Variants in DCBLD2 observed in about 807,000 individuals in gnomAD.
DCBLD2 encodes the protein discoidin, CUB and LCCL domain-containing protein 2.
In DCBLD2, 54 loss-of-function variants were observed where a neutral mutation model predicts 86.8. The ratio of observed to expected loss-of-function variants is 0.62; its 90% CI spans 0.50 to 0.78. DCBLD2 has a LOEUF of 0.78. Among genes scored for constraint, DCBLD2 ranks in the 30% least tolerant of loss-of-function variants. The probability of loss-of-function intolerance (pLI) is 0.00; values close to 1 mark genes in which losing one functional copy is unlikely to be tolerated. For synonymous variants in DCBLD2, 354 were observed against 341.3 expected (o/e 1.04, Z -0.41); for missense variants, 908 against 954.2 (o/e 0.95, Z 0.64).
intron 2 of DCBLD2, among the ~76,000 whole-genome samples, chr3:98,870,741 GAAAGAAAGAA>G (rs1313363499): frequency 2.1e-5 from 1 of 47,400 alleles, no homozygotes. Flanking sequence ...GAAAGAAAAA[GAAAGAAAGAA>G]AGAAAGAAAG....
chr3:98,863,871 C>G (rs1292161245), intron 2 of DCBLD2, among the ~76,000 whole-genome samples: 2 of 152,132 alleles, frequency 1.3e-5, no homozygotes, highest in Non-Finnish European at 2.9e-5. Flanking sequence ...TCTAATTAAA[C>G]TAAAGAGCTT....
At chr3:98,809,890 G>A (rs2107432919) in intron 12 of DCBLD2, among the ~76,000 whole-genome samples, 1 of 152,314 alleles carries the variant, frequency 6.6e-6, no homozygotes, top group South Asian at 2.1e-4. Context: ...AACGGTAAAT[G>A]TGCTTTTTCC....
At chr3:98,880,888 G>C (rs1943456761) in intron 2 of DCBLD2, among the ~76,000 whole-genome samples, 1 of 152,076 alleles carries the variant, frequency 6.6e-6, no homozygotes, top group Admixed American at 6.5e-5. Context: ...TGTCTCCTAA[G>C]CATTAATTAT....
chr3:98,857,512 C>T (rs1157493213), intron 2 of DCBLD2, among the ~76,000 whole-genome samples: 1 of 152,154 alleles, frequency 6.6e-6, no homozygotes, highest in African/African-American at 2.4e-5. Context: ...TGACAGGGTG[C>T]TGATTGGTGC....
intron 1 of DCBLD2, among the ~76,000 whole-genome samples, chr3:98,889,763 T>C (rs1286716113): frequency 6.6e-6 from 1 of 152,036 alleles, no homozygotes; most frequent in Non-Finnish European, 1.5e-5. Context: ...GATTCCCTCA[T>C]TAATGAATGA....
chr3:98,803,864 T>A (rs1397197860), intron 13 of DCBLD2, among the ~76,000 whole-genome samples: 1 of 152,248 alleles, frequency 6.6e-6, no homozygotes, highest in African/African-American at 2.4e-5. Flanking sequence ...TTTGCATATG[T>A]TGAACCAGCC....
rs1054869047 is a variant in DCBLD2 at position 98,901,387 on chromosome 3, G to C, written c.-61C>G. The C allele has an allele frequency of 7.2e-5, 91 of 1,261,648 alleles. No individual in the cohort carries two copies. Among genetic ancestry groups the C allele is most frequent in the Non-Finnish European group, 8.2e-5 (83 of 1,008,884 alleles). The allele number at this position is 1,261,648 out of a possible 1,614,324, so 78.2% of individuals were successfully genotyped here. On this transcript the variant is annotated 5_prime_UTR_variant, in exon 1 of 16. Transcript: ENST00000326840. ...GCCTCGGCAGCCCCGCGCGCCTCTG[G>C]CCGCGGCACCCGACCAGGAGACGGC...
intron 2 of DCBLD2, among the ~76,000 whole-genome samples, chr3:98,867,656 C>T (rs1168814295): frequency 1.3e-5 from 2 of 152,064 alleles, no homozygotes; most frequent in African/African-American, 2.4e-5. Context: ...AGAAAAAAAT[C>T]CTCATGGTCA....
chr3:98,835,694 C>T (rs1003375536), intron 3 of DCBLD2, among the ~76,000 whole-genome samples: 39 of 148,312 alleles, frequency 2.6e-4, no homozygotes, highest in African/African-American at 9.3e-4. Context: ...GGACTACAGG[C>T]ACGTGCCACC....
chr3:98,810,160 G>A (rs1012770634), intron 12 of DCBLD2, among the ~76,000 whole-genome samples: 1 of 152,186 alleles, frequency 6.6e-6, no homozygotes, highest in Admixed American at 6.5e-5. Flanking sequence ...CAGATTTTAA[G>A]ATGAGCAACA....
intron 2 of DCBLD2, among the ~76,000 whole-genome samples, chr3:98,861,480 A>C (rs1943042908): frequency 6.6e-6 from 1 of 152,208 alleles, no homozygotes; most frequent in Admixed American, 6.5e-5. Context: ...TTGGAAGTAA[A>C]GTACTCCTCA....
chr3:98,860,415 A>T (rs905542621), intron 2 of DCBLD2, among the ~76,000 whole-genome samples: 5 of 152,034 alleles, frequency 3.3e-5, no homozygotes, highest in African/African-American at 1.2e-4. Context: ...TTCATGACAC[A>T]TAATTGTCAG....
intron 1 of DCBLD2, among the ~76,000 whole-genome samples, chr3:98,883,881 T>C (rs1200225272): frequency 2.6e-5 from 4 of 152,162 alleles, no homozygotes; most frequent in African/African-American, 9.6e-5. Context: ...ACAAATGTAG[T>C]GCTAATATTT....
intron 8 of DCBLD2, among the ~76,000 whole-genome samples, chr3:98,818,802 G>T (rs1238609112): frequency 2.0e-5 from 3 of 152,168 alleles, no homozygotes; most frequent in Non-Finnish European, 4.4e-5. Flanking sequence ...TGGGACTTCT[G>T]GACCTTTGAC....
rs1559794411 is a variant in DCBLD2 at position 98,870,739 on chromosome 3, A to AAAGAAAGAAAG, written c.433+10800_433+10801insCTTTCTTTCTT. 4.6e-3 allele frequency among the ~76,000 whole-genome samples: 225 copies of AAAGAAAGAAAG among 49,342 alleles called. 1 individual carries two copies. Among genetic ancestry groups the AAAGAAAGAAAG allele is most frequent in the African/African-American group, 0.017 (214 of 12,764 alleles). 32.4% of individuals were successfully genotyped at this position (49,342 alleles called of 152,430 possible). On this transcript the variant is annotated intron_variant, in intron 2 of 15. Transcript: ENST00000326840. ...GAAAAAGGAAAAGAAAAGAAAGAAAAAGAAAGAAAGAAAGAAAGAAAGAAA... is the reference window on the plus strand; with the variant it reads ...GAAAAAGGAAAAGAAAAGAAAGAAAAAAGAAAGAAAGAGAAAGAAAGAAAGAAAGAAAGAAA...
chr3:98,898,425 TAAAG>T (rs976858989), intron 1 of DCBLD2, among the ~76,000 whole-genome samples: 3 of 150,602 alleles, frequency 2.0e-5, no homozygotes, highest in Non-Finnish European at 4.4e-5. Flanking sequence ...AGTTGTCAAA[TAAAG>T]AAAAAAAATC....
intron 2 of DCBLD2, among the ~76,000 whole-genome samples, chr3:98,851,649 A>G (rs374878983): frequency 6.6e-6 from 1 of 152,210 alleles, no homozygotes; most frequent in East Asian, 1.9e-4. Flanking sequence ...AAAAAGAACA[A>G]AGCTGGAGGC....
chr3:98,821,732 A>C (rs868596419), intron 6 of DCBLD2, among the ~76,000 whole-genome samples: 20 of 152,276 alleles, frequency 1.3e-4, no homozygotes, highest in Middle Eastern at 6.8e-3. Context: ...AAGTAGTACA[A>C]CACCACCTGT....
Position 98,881,743 on chromosome 3 carries a change from A to C in DCBLD2, c.230T>G (p.Leu77Arg). Residue 77 changes from leucine (L) to arginine (R), a missense_variant, in exon 2 of 16, where the codon CTA becomes CGA. Leu to Arg is a moderately radical substitution (Grantham distance 102). Around this residue, in one of 3 missense-constraint regions of DCBLD2, gnomAD observed 294 missense variants for 256.0 expected, o/e 1.15. Transcript: ENST00000326840. ...QQGDGCGHTV[L>R]GPESGTLTSI... ...TGTAAGGGTTCCACTCTCAGGGCCTAGTACAGTGTGTCCACATCCATCACC... is the reference window on the plus strand; with the variant it reads ...TGTAAGGGTTCCACTCTCAGGGCCTCGTACAGTGTGTCCACATCCATCACC... 1 of 1,613,858 alleles carries C rather than the reference A, an allele frequency of 6.2e-7. No homozygotes were observed.
Sources: gnomAD v4.1 joint callset for allele counts (sites outside exome capture counted in the v4.1 genomes callset) on GRCh38, gnomAD v4.1.1 for gene constraint, gnomAD v4.1.1 regional missense constraint, MANE v1.5 for transcripts, NCBI Gene and HGNC (gene_info 2026-07-23, HGNC 2026-07-21) for gene names.